ZNRF4: variants seen among roughly 807,000 people sequenced by gnomAD.
ZNRF4 encodes the protein E3 ubiquitin-protein ligase ZNRF4.
For synonymous variants in ZNRF4, 291 were observed against 285.9 expected (o/e 1.02, Z -0.18); for missense variants, 569 against 609.4 (o/e 0.93, Z 0.70).
rs187068340 is a variant in ZNRF4, at chr19:5,456,026, G to A, written c.535G>A (p.Gly179Ser). 1.9e-4 allele frequency: 309 copies of A among 1,601,628 alleles called. 2 individuals carry two copies. The East Asian group carries it at 2.7e-3, about 14-fold the overall frequency. Reference protein sequence around the residue: ...DLKVLNAQRAGFEAAIVHNVH... With the variant: ...DLKVLNAQRASFEAAIVHNVH... ...CAAGGTGCTGAACGCCCAGCGCGCC[G>A]GCTTCGAGGCGGCCATCGTGCACAA... is the stretch of plus-strand genomic sequence containing the variant. The change falls in exon 1 of 1, where the codon GGC becomes AGC. Residue 179 changes from glycine (G) to serine (S), a missense_variant. Coordinates refer to ENST00000222033, the MANE Select transcript of ZNRF4 (RefSeq NM_181710.4).
Position 5,455,928 on chromosome 19 carries a change from A to T in ZNRF4, c.437A>T (p.Glu146Val), listed in dbSNP as rs368497721. ...VKPANACHPI[E>V]APRLGNRSLG... ...CCAGCCAACGCGTGCCATCCCATCG[A>T]GGCCCCGCGACTGGGCAACCGCTCT... The change falls in exon 1 of 1, where the codon GAG becomes GTG. Residue 146 changes from glutamate (E) to valine (V), a missense_variant. Physicochemically the swap from Glu to Val is moderately radical, Grantham distance 121. Coordinates refer to ENST00000222033, the MANE Select transcript of ZNRF4 (RefSeq NM_181710.4). 8 of 1,600,924 alleles carry T rather than the reference A, an allele frequency of 5.0e-6. No individual in the cohort carries two copies. Among genetic ancestry groups the T allele is most frequent in the Admixed American group, 3.3e-5 (2 of 59,970 alleles).
chr19:5,456,774 G>C lies in ZNRF4; in HGVS notation c.1283G>C (p.Gly428Ala). The C allele has an allele frequency of 6.5e-7, 1 of 1,550,188 alleles. No individual in the cohort carries two copies. Among genetic ancestry groups the C allele is most frequent in the Non-Finnish European group, 8.7e-7 (1 of 1,145,294 alleles). Residue 428 changes from glycine to alanine, a missense_variant, in exon 1 of 1, where the codon GGT (glycine) becomes GCT (alanine). Physicochemically the swap from Gly to Ala is moderately conservative, Grantham distance 60. Transcript: ENST00000222033. Reference protein sequence around the residue: ...TVSSAPPEAPGQ With the variant: ...TVSSAPPEAPAQ ...TCCTCAGCCCCTCCTGAGGCCCCTG[G>C]TCAGTAAAGATCTAGGGCAGGGAGG... is the stretch of plus-strand genomic sequence containing the variant.
In ZNRF4 at chr19:5,455,792, C is replaced by T. The variant is rs750275791; in HGVS notation, c.301C>T (p.Arg101Trp). Reference protein sequence around the residue: ...LLQVPAQAVVRAVLEDNSSSV... With the variant: ...LLQVPAQAVVWAVLEDNSSSV... Reference sequence around the variant, plus strand: ...CCAGGTGCCCGCGCAGGCAGTGGTACGGGCCGTGCTGGAAGACAACTCGAG... The same window carrying T: ...CCAGGTGCCCGCGCAGGCAGTGGTATGGGCCGTGCTGGAAGACAACTCGAG... The change falls in exon 1 of 1, where the codon CGG becomes TGG. Residue 101 changes from arginine (R) to tryptophan (W), a missense_variant. Arg to Trp is a moderately radical substitution (Grantham distance 101, BLOSUM62 -3). Transcript: ENST00000222033. 2.5e-6 allele frequency: 4 copies of T among 1,603,780 alleles called. No individual in the cohort carries two copies. The South Asian group carries it at 3.3e-5, about 13-fold the overall frequency.
At position 5,456,604 on chromosome 19, in the gene ZNRF4, C is replaced by T. The variant is rs374460618; in HGVS notation, c.1113C>T (p.Asp371=). 65 of 1,613,270 alleles carry T rather than the reference C, an allele frequency of 4.0e-5. No individual in the cohort carries two copies. The highest frequency in any genetic ancestry group is 5.2e-5 in the Non-Finnish European group (61 of 1,179,444). Reference sequence around the variant, plus strand: ...ACTCCACCACCTACAGCTTCAGGGACGAGGACCCCTCCCTACCGGGCCACC... The same window carrying T: ...ACTCCACCACCTACAGCTTCAGGGATGAGGACCCCTCCCTACCGGGCCACC... ...SFDSTTYSFR[D]EDPSLPGHRP... The change falls in exon 1 of 1, where the codon GAC becomes GAT. Residue 371 remains aspartate, a synonymous_variant. Coordinates refer to ENST00000222033, the MANE Select transcript of ZNRF4 (RefSeq NM_181710.4).
chr19:5,456,001 C>T lies in ZNRF4; in HGVS notation c.510C>T (p.Leu170=), dbSNP rs1324393604. The change falls in exon 1 of 1, where the codon CTC becomes CTT. Residue 170 remains leucine, a synonymous_variant. Transcript: ENST00000222033. ...GCCGCTACGACTGCACCTTCGACCT[C>T]AAGGTGCTGAACGCCCAGCGCGCCG... ...LIRRYDCTFD[L]KVLNAQRAGF... 1.9e-6 allele frequency: 3 copies of T among 1,600,694 alleles called. No homozygotes were observed. Among genetic ancestry groups the T allele is most frequent in the Non-Finnish European group, 2.5e-6 (3 of 1,179,768 alleles).
In ZNRF4 at chr19:5,456,562, C is replaced by A; in HGVS notation, c.1071C>A (p.Ala357=). ...SCPVCKQSVA[A]TEDSFDSTTY... The stretch of plus-strand genomic sequence containing the variant: ...CCGTGTGCAAACAGTCGGTGGCCGC[C>A]ACAGAAGACAGCTTTGACTCCACCA... Residue 357 remains alanine, a synonymous_variant, in exon 1 of 1, where the codon GCC becomes GCA. Transcript: ENST00000222033. 1 of 1,614,092 alleles carries A rather than the reference C, an allele frequency of 6.2e-7. No individual in the cohort carries two copies. Among genetic ancestry groups the A allele is most frequent in the East Asian group, 2.2e-5 (1 of 44,874 alleles).
At position 5,456,799 on chromosome 19, in the gene ZNRF4, G is replaced by T. The variant is rs2240746; in HGVS notation, c.*18G>T. 1.6e-5 allele frequency: 24 copies of T among 1,516,638 alleles called. No homozygotes were observed. The highest frequency in any genetic ancestry group is 2.6e-5 in the South Asian group (2 of 76,520). The allele number at this position is 1,516,638 out of a possible 1,614,324, so 93.9% of individuals were successfully genotyped here. A position where few individuals can be genotyped will look rare whatever the true frequency, so the allele number is the denominator to read the frequency against. ...GTCAGTAAAGATCTAGGGCAGGGAG[G>T]GGGGTGCAATGAGGAATGTTTCTGG... On this transcript the variant is annotated 3_prime_UTR_variant, in exon 1 of 1. Transcript: ENST00000222033.
In ZNRF4 at chr19:5,456,492, A is replaced by C; in HGVS notation, c.1001A>C (p.Lys334Thr). The change falls in exon 1 of 1, where the codon AAA becomes ACA. Residue 334 changes from lysine to threonine, a missense_variant. Physicochemically the swap from Lys to Thr is moderately conservative, Grantham distance 78. Coordinates refer to ENST00000222033, the MANE Select transcript of ZNRF4 (RefSeq NM_181710.4). The part of the protein sequence containing the change: ...ILPCSHTYHC[K>T]CIDPWFSQAP... ...CCCTGCTCCCACACCTACCACTGCAAATGCATTGACCCCTGGTTCTCCCAA... is the reference window on the plus strand; with the variant it reads ...CCCTGCTCCCACACCTACCACTGCACATGCATTGACCCCTGGTTCTCCCAA... 6.2e-7 allele frequency: 1 copy of C among 1,614,052 alleles called. No homozygotes were observed. The highest frequency in any genetic ancestry group is 8.5e-7 in the Non-Finnish European group (1 of 1,180,024).
Position 5,455,738 on chromosome 19 carries a change from G to A in ZNRF4, c.247G>A (p.Val83Ile), listed in dbSNP as rs781676194. The A allele has an allele frequency of 2.8e-5, 45 of 1,605,558 alleles. No homozygotes were observed. The highest frequency in any genetic ancestry group is 2.7e-5 in the African/African-American group (2 of 74,946). ...WPRPGRALVAVKALLVLSLLQ... is the reference protein window; with the variant it reads ...WPRPGRALVAIKALLVLSLLQ... ...ACGGCCGGGCCGAGCCCTCGTGGCA[G>A]TCAAAGCCTTGCTGGTCTTGTCGCT... The change falls in exon 1 of 1, where the codon GTC (valine) becomes ATC (isoleucine). Residue 83 changes from valine to isoleucine, a missense_variant. Coordinates refer to ENST00000222033, the MANE Select transcript of ZNRF4 (RefSeq NM_181710.4).
chr19:5,456,275 C>G lies in ZNRF4; in HGVS notation c.784C>G (p.Leu262Val). Residue 262 changes from leucine to valine, a missense_variant, in exon 1 of 1, where the codon CTG becomes GTG. Transcript: ENST00000222033. ...LTVSWVLGCTLALVVSAFFVL... is the reference protein window; with the variant it reads ...LTVSWVLGCTVALVVSAFFVL... ...CGTGTCCTGGGTGCTGGGCTGTACC[C>G]TGGCCCTGGTCGTATCAGCCTTCTT... 6.2e-7 allele frequency: 1 copy of G among 1,613,612 alleles called. No individual in the cohort carries two copies. Among genetic ancestry groups the G allele is most frequent in the Non-Finnish European group, 8.5e-7 (1 of 1,180,036 alleles).
At position 5,455,569 on chromosome 19, in the gene ZNRF4, C is replaced by T. The variant is rs770564241; in HGVS notation, c.78C>T (p.His26=). The T allele has an allele frequency of 6.2e-6, 10 of 1,612,522 alleles. No homozygotes were observed. Among genetic ancestry groups the T allele is most frequent in the Middle Eastern group, 1.6e-4 (1 of 6,082 alleles). The change falls in exon 1 of 1, where the codon CAC becomes CAT. Residue 26 remains histidine, a synonymous_variant. Transcript: ENST00000222033. ...VPVAASLPLS[H]AVIPTQLPSR... ...TGGCCGCGTCACTGCCTCTGAGCCA[C>T]GCGGTCATTCCAACTCAACTGCCCT...
chr19:5,456,826 C>G lies in ZNRF4; in HGVS notation c.*45C>G, dbSNP rs182951118. ...GGGTGCAATGAGGAATGTTTCTGGT[C>G]TGAAAAGAATAAAGTGGGTTTGAAA... On this transcript the variant is annotated 3_prime_UTR_variant, in exon 1 of 1. Coordinates refer to ENST00000222033, the MANE Select transcript of ZNRF4 (RefSeq NM_181710.4). 1 of 1,478,512 alleles carries G rather than the reference C, an allele frequency of 6.8e-7. No homozygotes were observed. The highest frequency in any genetic ancestry group is 1.4e-5 in the African/African-American group (1 of 70,562). 91.6% of individuals were successfully genotyped at this position (1,478,512 alleles called of 1,614,324 possible).
At position 5,455,731 on chromosome 19, in the gene ZNRF4, C is replaced by T. The variant is rs757785708; in HGVS notation, c.240C>T (p.Leu80=). The T allele has an allele frequency of 6.2e-6, 10 of 1,605,734 alleles. No individual in the cohort carries two copies. Among genetic ancestry groups the T allele is most frequent in the African/African-American group, 1.3e-5 (1 of 74,942 alleles). Residue 80 remains leucine, a synonymous_variant, in exon 1 of 1, where the codon CTC becomes CTT. Coordinates refer to ENST00000222033, the MANE Select transcript of ZNRF4 (RefSeq NM_181710.4). Reference sequence around the variant, plus strand: ...GGTGGCCACGGCCGGGCCGAGCCCTCGTGGCAGTCAAAGCCTTGCTGGTCT... The same window carrying T: ...GGTGGCCACGGCCGGGCCGAGCCCTTGTGGCAGTCAAAGCCTTGCTGGTCT... ...TMGWPRPGRA[L]VAVKALLVLS... is the part of the protein sequence containing the mutation.
Position 5,456,607 on chromosome 19 carries a change from G to A in ZNRF4, c.1116G>A (p.Glu372=). 1 of 1,613,414 alleles carries A rather than the reference G, an allele frequency of 6.2e-7. No homozygotes were observed. Among genetic ancestry groups the A allele is most frequent in the South Asian group, 1.1e-5 (1 of 91,052 alleles). Residue 372 remains glutamate (E), a synonymous_variant, in exon 1 of 1, where the codon GAG becomes GAA. Transcript: ENST00000222033. The part of the protein sequence containing the change: ...FDSTTYSFRD[E]DPSLPGHRPP... The stretch of plus-strand genomic sequence containing the variant: ...CCACCACCTACAGCTTCAGGGACGA[G>A]GACCCCTCCCTACCGGGCCACCGGC...
chr19:5,456,089 T>A lies in ZNRF4; in HGVS notation c.598T>A (p.Tyr200Asn), dbSNP rs557096314. 1 of 1,606,214 alleles carries A rather than the reference T, an allele frequency of 6.2e-7. No individual in the cohort carries two copies. Among genetic ancestry groups the A allele is most frequent in the East Asian group, 2.2e-5 (1 of 44,864 alleles). Residue 200 changes from tyrosine (Y) to asparagine (N), a missense_variant, in exon 1 of 1, where the codon TAC (tyrosine) becomes AAC (asparagine). Tyr to Asn is a moderately radical substitution (Grantham distance 143). Coordinates refer to ENST00000222033, the MANE Select transcript of ZNRF4 (RefSeq NM_181710.4). The part of the protein sequence containing the change: ...SDDLVSMTHV[Y>N]EDLRGQIAIP... ...CGACCTCGTGAGCATGACCCACGTC[T>A]ACGAGGACTTGAGGGGCCAGATCGC...
Position 5,455,723 on chromosome 19 carries a change from C to T in ZNRF4, c.232C>T (p.Arg78Ter), listed in dbSNP as rs1393054722. The T allele has an allele frequency of 3.7e-6, 6 of 1,606,744 alleles. No individual in the cohort carries two copies. The highest frequency in any genetic ancestry group is 1.7e-5 in the Admixed American group (1 of 59,982). ...RVTMGWPRPG[R>*]ALVAVKALLV... ...GACCATGGGGTGGCCACGGCCGGGC[C>T]GAGCCCTCGTGGCAGTCAAAGCCTT... The change falls in exon 1 of 1, where the codon CGA becomes TGA. Residue 78 changes from arginine (R) to a stop codon, truncating the protein, a stop_gained. Coordinates refer to ENST00000222033, the MANE Select transcript of ZNRF4 (RefSeq NM_181710.4). LOFTEE classifies it low-confidence loss of function (END_TRUNC).
In ZNRF4 at chr19:5,455,911, C is replaced by T. The variant is rs201137254; in HGVS notation, c.420C>T (p.Asn140=). 7.5e-6 allele frequency: 12 copies of T among 1,601,762 alleles called. No individual in the cohort carries two copies. In the Admixed American group the frequency reaches 1.3e-4, roughly 18 times the overall value. The part of the protein sequence containing the change: ...RGYLMEVKPA[N]ACHPIEAPRL... ...ACCTGATGGAGGTCAAGCCAGCCAA[C>T]GCGTGCCATCCCATCGAGGCCCCGC... The change falls in exon 1 of 1, where the codon AAC becomes AAT. Residue 140 remains asparagine (N), a synonymous_variant. Coordinates refer to ENST00000222033, the MANE Select transcript of ZNRF4 (RefSeq NM_181710.4).
rs267605575 is a variant in ZNRF4 at position 5,456,061 on chromosome 19, C to T, written c.570C>T (p.Ser190=). 8.7e-6 allele frequency: 14 copies of T among 1,604,206 alleles called. No individual in the cohort carries two copies. Among genetic ancestry groups the T allele is most frequent in the Admixed American group, 5.0e-5 (3 of 60,028 alleles). The change falls in exon 1 of 1, where the codon TCC becomes TCT. Residue 190 remains serine, a synonymous_variant. Transcript: ENST00000222033. ...FEAAIVHNVH[S]DDLVSMTHVY... ...CGGCCATCGTGCACAACGTCCACTC[C>T]GACGACCTCGTGAGCATGACCCACG...
Position 5,455,570 on chromosome 19 carries a change from G to A in ZNRF4, c.79G>A (p.Ala27Thr), listed in dbSNP as rs202029307. ...PVAASLPLSH[A>T]VIPTQLPSRP... ...GGCCGCGTCACTGCCTCTGAGCCACGCGGTCATTCCAACTCAACTGCCCTC... is the reference window on the plus strand; with the variant it reads ...GGCCGCGTCACTGCCTCTGAGCCACACGGTCATTCCAACTCAACTGCCCTC... Residue 27 changes from alanine to threonine, a missense_variant, in exon 1 of 1, where the codon GCG becomes ACG. Transcript: ENST00000222033. 1.4e-4 allele frequency: 232 copies of A among 1,612,466 alleles called. No homozygotes were observed. The highest frequency in any genetic ancestry group is 1.8e-4 in the Non-Finnish European group (218 of 1,180,016).
Sources: gnomAD v4.1 joint callset for allele counts on GRCh38, gnomAD v4.1.1 for gene constraint, MANE v1.5 for transcripts, NCBI Gene and HGNC (gene_info 2026-07-23, HGNC 2026-07-21) for gene names.